Variants in ABCA13 observed in about 807,000 individuals in gnomAD.
ABCA13 encodes ATP binding cassette subfamily A member 13, also known as ATP-binding cassette sub-family A member 13.
In ABCA13, 476 loss-of-function variants were observed where a neutral mutation model predicts 478.7. The ratio of observed to expected loss-of-function variants is 0.99; its 90% CI spans 0.92 to 1.07. The LOEUF (loss-of-function observed/expected upper bound fraction) is 1.07. ABCA13 is among the 50% of genes least tolerant of loss of function. The pLI is 0.00. For missense variants in ABCA13, 6,060 were observed against 5,910.6 expected (o/e 1.03, Z -0.83); for synonymous variants, 2,252 against 2,158.9 (o/e 1.04, Z -1.20).
At chr7:48,559,121 GA>G (rs1786181503) in intron 55 of ABCA13, among the ~76,000 whole-genome samples, 1 of 152,200 alleles carries the variant, frequency 6.6e-6, no homozygotes, top group Non-Finnish European at 1.5e-5. Flanking sequence ...TTCAGGGGGT[GA>G]GTTCCCCCAG....
intron 15 of ABCA13, among the ~76,000 whole-genome samples, chr7:48,252,755 G>A (rs1336748932): frequency 6.6e-6 from 1 of 152,036 alleles, no homozygotes; most frequent in African/African-American, 2.4e-5. Flanking sequence ...CATATTTAAG[G>A]TAGTTGTTTT....
intron 43 of ABCA13, among the ~76,000 whole-genome samples, chr7:48,462,857 T>G (rs1188949092): frequency 1.3e-5 from 2 of 152,158 alleles, no homozygotes; most frequent in Non-Finnish European, 2.9e-5. Context: ...TTCACACCCA[T>G]TTTTCCTTTA....
chr7:48,245,772 T>C, intron 12 of ABCA13, 91 bp from the exon 13 acceptor site: 1 of 1,450,960 alleles, frequency 6.9e-7, no homozygotes, highest in East Asian at 2.3e-5. Flanking sequence ...ATGTTTATCA[T>C]TGCTTATTAT....
Position 48,301,092 on chromosome 7 carries a change from T to C in ABCA13, c.9321+2605T>C, listed in dbSNP as rs189181083. On this transcript the variant is annotated intron_variant, in intron 23 of 61. Coordinates refer to ENST00000435803, the MANE Select transcript of ABCA13 (RefSeq NM_152701.5). ...AATTAGGCAGAGTTCAGAGGACTTT[T>C]GCTTGGAAGATGAATATTTTTTCAC... is the stretch of plus-strand genomic sequence containing the variant. 1.2e-4 allele frequency among the ~76,000 whole-genome samples: 19 copies of C among 152,338 alleles called. No homozygotes were observed. The East Asian group carries it at 3.3e-3, about 26-fold the overall frequency.
At chr7:48,474,207 T>C (rs1827830692) in intron 45 of ABCA13, among the ~76,000 whole-genome samples, 2 of 152,236 alleles carry the variant, frequency 1.3e-5, no homozygotes, top group South Asian at 4.1e-4. Context: ...AATGTGTGAA[T>C]TTGCATGGGA....
At chr7:48,613,968 T>C (rs1436508281) in intron 58 of ABCA13, among the ~76,000 whole-genome samples, 2 of 148,322 alleles carry the variant, frequency 1.3e-5, no homozygotes, top group African/African-American at 4.9e-5. Context: ...TATGGTATTA[T>C]ATTTTATATT....
chr7:48,239,526 C>G, intron 9 of ABCA13, 121 bp downstream of exon 9: 1 of 1,180,184 alleles, frequency 8.5e-7, no homozygotes. Context: ...AGGAAAGGGC[C>G]TTAGGAGCCC....
chr7:48,473,454 G>A (rs906823641), intron 45 of ABCA13, among the ~76,000 whole-genome samples: 9 of 152,278 alleles, frequency 5.9e-5, no homozygotes, highest in Middle Eastern at 6.8e-3. Flanking sequence ...TTTGCAGCCC[G>A]AACTTTCAGG....
At chr7:48,479,021 C>T (rs184785914) in intron 45 of ABCA13, among the ~76,000 whole-genome samples, 2,551 of 149,622 alleles carry the variant, frequency 0.017, 77 homozygotes, top group African/African-American at 0.059. Flanking sequence ...GATCTTGGCT[C>T]ACTGCAAGCT....
At position 48,638,742 on chromosome 7, in the gene ABCA13, T is replaced by G. The variant is rs1794885690; in HGVS notation, c.14838-4546T>G. On this transcript the variant is annotated intron_variant, in intron 59 of 61. Transcript: ENST00000435803. ...AATAAGCTGAGTGACAAAGAAAAAA[T>G]CTCCTGATCTCTTTGGGCCTCAAAT... 2.0e-5 allele frequency among the ~76,000 whole-genome samples: 3 copies of G among 152,262 alleles called. No homozygotes were observed. The South Asian group carries it at 6.2e-4, about 32-fold the overall frequency.
chr7:48,550,986 T>C (rs1441227866), intron 55 of ABCA13, among the ~76,000 whole-genome samples: 4 of 151,846 alleles, frequency 2.6e-5, no homozygotes, highest in African/African-American at 9.7e-5. Flanking sequence ...ATTTTTTCTC[T>C]CTTGACTTAT....
intron 23 of ABCA13, among the ~76,000 whole-genome samples, chr7:48,301,987 T>C (rs892430101): frequency 1.3e-5 from 2 of 152,242 alleles, no homozygotes; most frequent in Admixed American, 6.5e-5. Context: ...TTAGGAATTC[T>C]GAGAAATGAG....
At chr7:48,402,763 C>G (rs1342299510) in intron 38 of ABCA13, among the ~76,000 whole-genome samples, 2 of 152,220 alleles carry the variant, frequency 1.3e-5, no homozygotes, top group East Asian at 3.8e-4. Context: ...ATGTCAAATC[C>G]TCTTCTGCCT....
In ABCA13 at chr7:48,523,737, C is replaced by T. The variant is rs142359344; in HGVS notation, c.14052-511C>T. ...AAATAAGAGTTGAAAATTAAATTTG[C>T]ATTCCTCTGATAGATACTTACTGAA... On this transcript the variant is annotated intron_variant, in intron 53 of 61. Transcript: ENST00000435803. Among the ~76,000 whole-genome samples the T allele has an allele frequency of 5.3e-5, 8 of 152,176 alleles. No individual in the cohort carries two copies. In the East Asian group the frequency reaches 1.5e-3, roughly 29 times the overall value.
In ABCA13 at chr7:48,219,410, T is replaced by A. The variant is rs1345447461; in HGVS notation, c.344T>A (p.Leu115Ter). 3 of 1,613,200 alleles carry A rather than the reference T, an allele frequency of 1.9e-6. No homozygotes were observed. The African/African-American group carries it at 4.0e-5, about 22-fold the overall frequency. Residue 115 changes from leucine to a stop codon, truncating the protein, a stop_gained, in exon 4 of 62, where the codon TTA becomes TAA. Transcript: ENST00000435803. LOFTEE classifies it high-confidence loss of function. ...DPKKVNNLAFLKEIQDLAEEI... is the reference protein window; with the variant it reads ...DPKKVNNLAF Reference sequence around the variant, plus strand: ...AAGAAAGTCAACAACCTGGCCTTTTTAAAAGAGATACAAGACCTGGCAGAG... The same window carrying A: ...AAGAAAGTCAACAACCTGGCCTTTTAAAAAGAGATACAAGACCTGGCAGAG...
chr7:48,279,576 T>C lies in ABCA13; in HGVS notation c.8382T>C (p.Asn2794=), dbSNP rs765900566. The C allele has an allele frequency of 9.3e-6, 15 of 1,613,374 alleles. No individual in the cohort carries two copies. In the East Asian group the frequency reaches 3.3e-4, roughly 36 times the overall value. ...GIKSDYEGDL[N]KSLYFDTPLS... is the part of the protein sequence containing the mutation. ...AAAGTGACTATGAAGGTGATTTGAA[T>C]AAAAGTTTATATTTTGACACACCTT... Residue 2794 remains asparagine, a synonymous_variant, in exon 18 of 62, where the codon AAT becomes AAC. Transcript: ENST00000435803.
At position 48,474,314 on chromosome 7, in the gene ABCA13, A is replaced by G. The variant is rs974390144; in HGVS notation, c.12975+2715A>G. Among the ~76,000 whole-genome samples the G allele has an allele frequency of 2.0e-4, 30 of 152,288 alleles. 1 individual carries two copies. The highest frequency in any genetic ancestry group is 6.7e-4 in the African/African-American group (28 of 41,572). ...GAAGGAGGAGATGGGAAATGTGGAT[A>G]ATTCTTTTAGGGACAGGAAATGATT... On this transcript the variant is annotated intron_variant, in intron 45 of 61. Transcript: ENST00000435803.
chr7:48,534,776 G>T lies in ABCA13; in HGVS notation c.14354+6431G>T, dbSNP rs115441008. On this transcript the variant is annotated intron_variant, in intron 55 of 61. Coordinates refer to ENST00000435803, the MANE Select transcript of ABCA13 (RefSeq NM_152701.5). ...CTTGCCTTTGAGCTCTGAAGTTCTT[G>T]CTTCTGCTTTTCCAGTTCTATTGCT... Among the ~76,000 whole-genome samples the T allele has an allele frequency of 4.4e-3, 665 of 152,224 alleles. 4 individuals carry two copies. The highest frequency in any genetic ancestry group is 0.015 in the African/African-American group (625 of 41,552).
At chr7:48,516,978 C>T in intron 52 of ABCA13, 97 bp downstream of exon 52, 10 of 1,326,548 alleles carry the variant, frequency 7.5e-6, no homozygotes, top group East Asian at 2.4e-5. Context: ...GACTGGAATT[C>T]AATGGAAATG....
Sources: allele counts gnomAD v4.1 joint callset (sites outside exome capture counted in the v4.1 genomes callset), GRCh38; gene constraint gnomAD v4.1.1; transcripts MANE v1.5; gene names NCBI Gene and HGNC (gene_info 2026-07-23, HGNC 2026-07-21).